The following HS6ST2 variants were observed in gnomAD, a reference collection of about 807,000 sequenced individuals.
HS6ST2 encodes heparan sulfate 6-O-sulfotransferase 2.
Under a neutral mutation model 33.0 loss-of-function variants are expected in HS6ST2, and 17 were observed. The observed-to-expected ratio is 0.52, with a 90% CI of 0.35 to 0.77. The LOEUF is 0.77. Ranked by LOEUF, HS6ST2 falls within the 30% of genes least tolerant of loss-of-function variation. HS6ST2 has a pLI of 0.01. For synonymous variants in HS6ST2, 248 were observed against 237.1 expected (o/e 1.05, Z -0.42); for missense variants, 519 against 551.7 (o/e 0.94, Z 0.59).
At chrX:132,938,682 C>T (rs1192905788) in intron 2 of HS6ST2, among the ~76,000 whole-genome samples, 1 of 110,613 alleles carries the variant, frequency 9.0e-6, no homozygotes, top group East Asian at 2.8e-4. Flanking sequence ...TGAATGCTTT[C>T]CCCTGAGATC....
chrX:132,873,387 T>A (rs1328086632), intron 2 of HS6ST2, among the ~76,000 whole-genome samples: 1 of 111,913 alleles, frequency 8.9e-6, no homozygotes, highest in Non-Finnish European at 1.9e-5. Flanking sequence ...CTTAATATCA[T>A]GTTATTCCAG....
At chrX:132,904,623 G>A (rs2066455003) in intron 2 of HS6ST2, among the ~76,000 whole-genome samples, 1 of 107,156 alleles carries the variant, frequency 9.3e-6, no homozygotes, top group South Asian at 4.2e-4. Flanking sequence ...GAACTCCTGG[G>A]CTCAAGGCAC....
intron 2 of HS6ST2, among the ~76,000 whole-genome samples, chrX:132,787,237 ATACATATATG>A (rs2065075984): frequency 1.1e-5 from 1 of 90,307 alleles, no homozygotes; most frequent in African/African-American, 4.1e-5. Flanking sequence ...ACACATATAT[ATACATATATG>A]TATATATATG....
At chrX:132,745,267 G>A (rs751309486) in intron 2 of HS6ST2, among the ~76,000 whole-genome samples, 1 of 111,571 alleles carries the variant, frequency 9.0e-6, no homozygotes, top group South Asian at 3.8e-4. Flanking sequence ...CGTATTTTTG[G>A]TGGAAACAGG....
intron 2 of HS6ST2, among the ~76,000 whole-genome samples, chrX:132,892,415 G>C (rs1257028933): frequency 1.8e-5 from 2 of 111,862 alleles, no homozygotes; most frequent in Non-Finnish European, 3.8e-5. Context: ...CATTTCCCAA[G>C]ATTCCCAGGT....
chrX:132,740,799 T>C (rs916458996), intron 2 of HS6ST2, among the ~76,000 whole-genome samples: 1 of 110,630 alleles, frequency 9.0e-6, no homozygotes, highest in African/African-American at 3.3e-5. Context: ...AACTGAGAGA[T>C]AGGCACATGC....
At chrX:132,823,701 C>CAAAAAAAAA in intron 2 of HS6ST2, among the ~76,000 whole-genome samples, 1 of 61,311 alleles carries the variant, frequency 1.6e-5, no homozygotes, top group Non-Finnish European at 3.1e-5. Context: ...ACTAAAAATA[C>CAAAAAAAAA]AAAAAAAAAA....
At position 132,922,865 on chromosome X, in the gene HS6ST2, C is replaced by G. The variant is rs1040285799; in HGVS notation, c.947+33943G>C. Reference sequence around the variant, plus strand: ...ATCACTTGAGGCCAGGAATTTGAGACCAGTCTACCCAACATGGCAAAACCC... The same window carrying G: ...ATCACTTGAGGCCAGGAATTTGAGAGCAGTCTACCCAACATGGCAAAACCC... On this transcript the variant is annotated intron_variant, in intron 2 of 4. Coordinates refer to ENST00000370833, the MANE Select transcript of HS6ST2 (RefSeq NM_001394073.1). 2.7e-5 allele frequency among the ~76,000 whole-genome samples: 3 copies of G among 110,665 alleles called. 1 individual carries two copies. Among genetic ancestry groups the G allele is most frequent in the African/African-American group, 9.9e-5 (3 of 30,338 alleles).
chrX:132,626,488 T>A lies in HS6ST2; in HGVS notation c.*1735A>T, dbSNP rs2063481650. On this transcript the variant is annotated 3_prime_UTR_variant, in exon 5 of 5. Coordinates refer to ENST00000370833, the MANE Select transcript of HS6ST2 (RefSeq NM_001394073.1). ...CTCAGGATTTTCAAGACTGCAATAC[T>A]GTCAGACAAAACAAAAGCTAGAAAT... 8.9e-6 allele frequency: 1 copy of A among 112,320 alleles called. No homozygotes were observed. 9.3% of individuals were successfully genotyped at this position (112,320 alleles called of 1,213,427 possible).
intron 2 of HS6ST2, among the ~76,000 whole-genome samples, chrX:132,918,403 T>C (rs190079511): frequency 7.8e-4 from 88 of 112,434 alleles, no homozygotes; most frequent in Non-Finnish European, 1.4e-3. Flanking sequence ...CAAGCCATAA[T>C]GATGGCATAG....
rs966374148 is a variant in HS6ST2 at position 132,891,530 on chromosome X, C to T, written c.947+65278G>A. Among the ~76,000 whole-genome samples the T allele has an allele frequency of 2.7e-5, 3 of 109,430 alleles. No individual in the cohort carries two copies. The Admixed American group carries it at 2.9e-4, about 11-fold the overall frequency. On this transcript the variant is annotated intron_variant, in intron 2 of 4. Transcript: ENST00000370833. ...AGGTATATCTCCTAATGCTATCCCT[C>T]CACACTCCCCCCACCCCACAACAGG...
At chrX:132,936,228 T>G in intron 2 of HS6ST2, among the ~76,000 whole-genome samples, 1 of 110,856 alleles carries the variant, frequency 9.0e-6, no homozygotes, top group Non-Finnish European at 1.9e-5. Context: ...CTGGATAACT[T>G]GGAAAGAACA....
chrX:132,904,367 T>G (rs1472509098), intron 2 of HS6ST2, among the ~76,000 whole-genome samples: 42 of 111,479 alleles, frequency 3.8e-4, no homozygotes, highest in Middle Eastern at 4.7e-3. Context: ...GTTTCCGGCT[T>G]TTACTATTAA....
At chrX:132,918,228 G>T (rs2066614142) in intron 2 of HS6ST2, among the ~76,000 whole-genome samples, 1 of 112,244 alleles carries the variant, frequency 8.9e-6, no homozygotes, top group Non-Finnish European at 1.9e-5. Context: ...GGCTTCTTTT[G>T]GTGGCAATGA....
chrX:132,750,831 C>T (rs911738315), intron 2 of HS6ST2, among the ~76,000 whole-genome samples: 4 of 112,347 alleles, frequency 3.6e-5, no homozygotes, highest in Non-Finnish European at 7.5e-5. Flanking sequence ...AAGCTTAGTA[C>T]ATCTCTCTTG....
chrX:132,671,436 C>T (rs1355578739), intron 3 of HS6ST2, among the ~76,000 whole-genome samples: 3 of 103,830 alleles, frequency 2.9e-5, no homozygotes, highest in Non-Finnish European at 3.9e-5. Flanking sequence ...TCACTAAGTT[C>T]ATTCATTCAC....
rs964385284 is a variant in HS6ST2 at position 132,826,881 on chromosome X, A to G, written c.948-118387T>C. ...CTCCTGATCCGTATGCCAGCTGGGG[A>G]CCTGTCTACAGAGTCCTGGTAAAGG... On this transcript the variant is annotated intron_variant, in intron 2 of 4. Transcript: ENST00000370833. Among the ~76,000 whole-genome samples the G allele has an allele frequency of 6.3e-5, 7 of 110,961 alleles. No individual in the cohort carries two copies. The East Asian group carries it at 2.0e-3, about 31-fold the overall frequency.
At chrX:132,670,845 G>T (rs922702181) in intron 3 of HS6ST2, among the ~76,000 whole-genome samples, 4 of 111,934 alleles carry the variant, frequency 3.6e-5, no homozygotes, top group African/African-American at 6.5e-5. Flanking sequence ...CGTCTAGGGG[G>T]TATGAAAAGC....
In HS6ST2 at chrX:132,923,950, AT is replaced by A. The variant is rs769119254; in HGVS notation, c.947+32857del. Among the ~76,000 whole-genome samples, 248 of 112,551 alleles carry A rather than the reference AT, an allele frequency of 2.2e-3. 1 individual carries two copies. The highest frequency in any genetic ancestry group is 3.6e-3 in the Non-Finnish European group (191 of 53,360). The stretch of plus-strand genomic sequence containing the variant: ...TTGCCTGGATTTCAGCAAAAATGTA[AT>A]TTTCCTTTCAAGCATCCAATGCTAG... On this transcript the variant is annotated intron_variant, in intron 2 of 4. Transcript: ENST00000370833.
Sources: allele counts gnomAD v4.1 joint callset (sites outside exome capture counted in the v4.1 genomes callset), GRCh38; gene constraint gnomAD v4.1.1; transcripts MANE v1.5; gene names NCBI Gene and HGNC (gene_info 2026-07-23, HGNC 2026-07-21).